Variants in MVB12B observed in about 807,000 individuals in gnomAD.
MVB12B encodes the protein multivesicular body subunit 12B, also known as ESCRT-I complex subunit MVB12B.
A neutral mutation model predicts 41.6 loss-of-function variants in MVB12B; 16 were observed. That is an observed-to-expected ratio of 0.38 (90% CI 0.26 to 0.58). The LOEUF (loss-of-function observed/expected upper bound fraction) is 0.58, where lower values mean the gene tolerates loss of function less well. Among genes scored for constraint, MVB12B ranks in the 20% least tolerant of loss-of-function variants. The pLI, the probability that MVB12B is intolerant of heterozygous loss-of-function variation, is 0.62. For missense variants in MVB12B, 274 were observed against 380.2 expected (o/e 0.72, Z 2.32); for synonymous variants, 133 against 139.7 (o/e 0.95, Z 0.34).
intron 9 of MVB12B, among the ~76,000 whole-genome samples, chr9:126,490,556 G>A (rs1833711008): frequency 6.6e-6 from 1 of 152,190 alleles, no homozygotes; most frequent in Admixed American, 6.5e-5. Context: ...AACCGCGGCG[G>A]AGGAAGCACA....
At chr9:126,399,666 C>A (rs1006884559) in intron 6 of MVB12B, among the ~76,000 whole-genome samples, 1 of 152,136 alleles carries the variant, frequency 6.6e-6, no homozygotes, top group Non-Finnish European at 1.5e-5. Context: ...GGCTCACAAC[C>A]GCTGGAGCAC....
chr9:126,385,287 A>G (rs1167327850), intron 3 of MVB12B, among the ~76,000 whole-genome samples: 1 of 152,226 alleles, frequency 6.6e-6, no homozygotes, highest in African/African-American at 2.4e-5. Context: ...TTTGGTCTTC[A>G]TGGTTCTTAA....
At chr9:126,345,160 T>C (rs1297764618) in intron 2 of MVB12B, among the ~76,000 whole-genome samples, 1 of 152,202 alleles carries the variant, frequency 6.6e-6, no homozygotes, top group East Asian at 1.9e-4. Context: ...TCCAGGTCCA[T>C]GCTCAGACCT....
intron 9 of MVB12B, among the ~76,000 whole-genome samples, chr9:126,496,625 C>T (rs1292144879): frequency 1.3e-5 from 2 of 152,050 alleles, no homozygotes; most frequent in Non-Finnish European, 2.9e-5. Context: ...AGAGCAAGTG[C>T]CCCTTTAGTG....
chr9:126,357,235 C>T (rs1208654927), intron 2 of MVB12B, among the ~76,000 whole-genome samples: 1 of 152,116 alleles, frequency 6.6e-6, no homozygotes, highest in Non-Finnish European at 1.5e-5. Flanking sequence ...TGTTGTACAC[C>T]TGTATGACAG....
chr9:126,429,008 C>A (rs1349259056), intron 7 of MVB12B, among the ~76,000 whole-genome samples: 5 of 152,062 alleles, frequency 3.3e-5, no homozygotes, highest in Admixed American at 2.6e-4. Flanking sequence ...GGTGGGTGAG[C>A]GTATGGGAGG....
intron 7 of MVB12B, among the ~76,000 whole-genome samples, chr9:126,471,665 A>C (rs1341230570): frequency 1.3e-5 from 2 of 152,124 alleles, no homozygotes; most frequent in Middle Eastern, 3.2e-3. Context: ...TGGCCTTGAG[A>C]TCTTGAGTTG....
At chr9:126,460,970 T>C (rs1833076311) in intron 7 of MVB12B, among the ~76,000 whole-genome samples, 1 of 152,242 alleles carries the variant, frequency 6.6e-6, no homozygotes, top group African/African-American at 2.4e-5. Context: ...AACAACGTTT[T>C]GAGTCACCAC....
chr9:126,416,314 C>A (rs1468350631), intron 6 of MVB12B, among the ~76,000 whole-genome samples: 1 of 152,188 alleles, frequency 6.6e-6, no homozygotes, highest in Middle Eastern at 3.2e-3. Context: ...CCCTGGGAGG[C>A]AACACACCCC....
rs969074256 is a variant in MVB12B, at chr9:126,363,850, T to C, written c.205-17214T>C. Among the ~76,000 whole-genome samples, 12 of 152,232 alleles carry C rather than the reference T, an allele frequency of 7.9e-5. No homozygotes were observed. In the East Asian group the frequency reaches 2.1e-3, roughly 27 times the overall value. ...CACCATTCCTCTCCCTGTGGAATTA[T>C]GTTCTGGTTCTGTGTGTTTCAATGG... On this transcript the variant is annotated intron_variant, in intron 2 of 9. Coordinates refer to ENST00000361171, the MANE Select transcript of MVB12B (RefSeq NM_033446.3).
chr9:126,430,143 A>G (rs1832292576), intron 7 of MVB12B, among the ~76,000 whole-genome samples: 1 of 152,148 alleles, frequency 6.6e-6, no homozygotes, highest in Admixed American at 6.5e-5. Context: ...TTGCCCAGGT[A>G]GCTGACTCAT....
intron 7 of MVB12B, 77 bp downstream of exon 7, chr9:126,422,025 T>G: frequency 9.6e-7 from 1 of 1,044,140 alleles, no homozygotes; most frequent in Non-Finnish European, 1.5e-6. Context: ...GTTCTCTGTC[T>G]TCTCGTGGGA....
chr9:126,494,866 C>A (rs1263648088), intron 9 of MVB12B, among the ~76,000 whole-genome samples: 5 of 149,866 alleles, frequency 3.3e-5, no homozygotes, highest in Non-Finnish European at 4.4e-5. Flanking sequence ...AGGGAGCACC[C>A]CACCCCCCCC....
chr9:126,418,812 T>G (rs1831905786), intron 6 of MVB12B, among the ~76,000 whole-genome samples: 1 of 152,244 alleles, frequency 6.6e-6, no homozygotes, highest in Non-Finnish European at 1.5e-5. Context: ...CCCACCTCAA[T>G]GTACCTTCCT....
chr9:126,482,168 G>A (rs912696870), intron 8 of MVB12B, among the ~76,000 whole-genome samples: 19 of 136,048 alleles, frequency 1.4e-4, no homozygotes, highest in African/African-American at 3.3e-4. Flanking sequence ...CTCCAATGGC[G>A]CCAGCCCCCA....
chr9:126,504,811 C>G lies in MVB12B; in HGVS notation c.*1548C>G, dbSNP rs1834033510. ...CCCTCCCTGAGACCCGAGGATGCCC[C>G]TGGTGGGGGTGGCCTTCTCAGGACT... On this transcript the variant is annotated 3_prime_UTR_variant, in exon 10 of 10. Coordinates refer to ENST00000361171, the MANE Select transcript of MVB12B (RefSeq NM_033446.3). 6.6e-6 allele frequency: 1 copy of G among 152,546 alleles called. No individual in the cohort carries two copies. The highest frequency in any genetic ancestry group is 2.4e-5 in the African/African-American group (1 of 41,478). 9.4% of individuals were successfully genotyped at this position (152,546 alleles called of 1,614,324 possible). A position where few individuals can be genotyped will look rare whatever the true frequency, so the allele number is the denominator to read the frequency against.
intron 7 of MVB12B, among the ~76,000 whole-genome samples, chr9:126,439,257 C>A (rs1259330992): frequency 6.6e-6 from 1 of 151,106 alleles, no homozygotes; most frequent in Non-Finnish European, 1.5e-5. Flanking sequence ...GCAGGGAGCT[C>A]ACAGGGTCCG....
At chr9:126,431,549 A>C (rs1832332184) in intron 7 of MVB12B, among the ~76,000 whole-genome samples, 1 of 152,168 alleles carries the variant, frequency 6.6e-6, no homozygotes, top group Admixed American at 6.5e-5. Flanking sequence ...TAAAAATATT[A>C]CTAGGTGACA....
At chr9:126,418,132 C>T (rs1831878819) in intron 6 of MVB12B, among the ~76,000 whole-genome samples, 1 of 147,156 alleles carries the variant, frequency 6.8e-6, no homozygotes, top group Non-Finnish European at 1.5e-5. Flanking sequence ...AAACAGCAAC[C>T]TTGCAAAGTT....
Sources: gnomAD v4.1 joint callset for allele counts (sites outside exome capture counted in the v4.1 genomes callset) on GRCh38, gnomAD v4.1.1 for gene constraint, MANE v1.5 for transcripts, NCBI Gene and HGNC (gene_info 2026-07-23, HGNC 2026-07-21) for gene names.